Variants in DOCK4 observed in about 807,000 individuals in gnomAD.
The protein encoded by DOCK4 is dedicator of cytokinesis 4.
DOCK4 carries 97 observed loss-of-function variants against 268.1 expected under a neutral mutation model. The observed-to-expected ratio is 0.36, with a 90% CI of 0.31 to 0.43. DOCK4 has a LOEUF of 0.43. DOCK4 is among the 20% of genes least tolerant of loss of function. The pLI, the probability that DOCK4 is intolerant of heterozygous loss-of-function variation, is 1.00. For synonymous variants in DOCK4, 954 were observed against 887.2 expected (o/e 1.08, Z -1.34); for missense variants, 2,145 against 2,455.7 (o/e 0.87, Z 2.67).
intron 1 of DOCK4, among the ~76,000 whole-genome samples, chr7:112,182,444 T>C (rs1313117266): frequency 1.3e-5 from 2 of 152,180 alleles, no homozygotes; most frequent in Non-Finnish European, 2.9e-5. Flanking sequence ...TAGGAAAGGA[T>C]CTGAGAGGGG....
chr7:111,960,091 T>C (rs1196878816), intron 8 of DOCK4, among the ~76,000 whole-genome samples: 1 of 151,972 alleles, frequency 6.6e-6, no homozygotes, highest in Non-Finnish European at 1.5e-5. Context: ...ATGGCCTGGG[T>C]GCAGTGGCTC....
intron 51 of DOCK4, among the ~76,000 whole-genome samples, chr7:111,734,537 A>G (rs988397236): frequency 1.3e-5 from 2 of 152,188 alleles, no homozygotes; most frequent in African/African-American, 4.8e-5. Flanking sequence ...ACCCTGAATC[A>G]ACCCTTTGCG....
intron 16 of DOCK4, among the ~76,000 whole-genome samples, chr7:111,891,708 T>C (rs1353804362): frequency 1.3e-5 from 2 of 152,228 alleles, no homozygotes; most frequent in African/African-American, 2.4e-5. Context: ...ATTTCTTCTA[T>C]AAATGCATGA....
intron 28 of DOCK4, among the ~76,000 whole-genome samples, chr7:111,811,423 A>G (rs568771486): frequency 6.6e-6 from 1 of 152,312 alleles, no homozygotes; most frequent in East Asian, 1.9e-4. Flanking sequence ...GGCATATCAC[A>G]TTATATCATA....
chr7:111,838,136 T>C (rs1436008872), intron 25 of DOCK4, among the ~76,000 whole-genome samples: 2 of 129,914 alleles, frequency 1.5e-5, no homozygotes, highest in Non-Finnish European at 3.3e-5. Flanking sequence ...CCCAAATCGA[T>C]ATATAGATTC....
intron 32 of DOCK4, among the ~76,000 whole-genome samples, chr7:111,788,245 C>G (rs1799306592): frequency 6.6e-6 from 1 of 152,166 alleles, no homozygotes; most frequent in Admixed American, 6.6e-5. Flanking sequence ...CAGATGCAAA[C>G]TAGGTTAATT....
Position 112,146,263 on chromosome 7 carries a change from C to A in DOCK4, c.37+59839G>T, listed in dbSNP as rs576897080. Among the ~76,000 whole-genome samples the A allele has an allele frequency of 2.6e-5, 4 of 152,274 alleles. No individual in the cohort carries two copies. The South Asian group carries it at 6.2e-4, about 24-fold the overall frequency. The stretch of plus-strand genomic sequence containing the variant: ...TGGGAGGAGTTTCAAAGTCTCCAAG[C>A]AAAAGCTACAGAAGTCCCCACAGCA... On this transcript the variant is annotated intron_variant, in intron 1 of 52. Transcript: ENST00000428084.
chr7:112,195,125 A>G (rs1034367329), intron 1 of DOCK4, among the ~76,000 whole-genome samples: 2 of 152,188 alleles, frequency 1.3e-5, no homozygotes, highest in African/African-American at 4.8e-5. Flanking sequence ...CTAAAAATAC[A>G]AAACTTTGCT....
intron 44 of DOCK4, among the ~76,000 whole-genome samples, chr7:111,744,420 G>C (rs1451922665): frequency 6.6e-6 from 1 of 152,158 alleles, no homozygotes; most frequent in Admixed American, 6.5e-5. Flanking sequence ...ACTTGGCCAA[G>C]GGCACATTGA....
chr7:112,014,996 C>G (rs1801690889), intron 1 of DOCK4, among the ~76,000 whole-genome samples: 1 of 152,080 alleles, frequency 6.6e-6, no homozygotes, highest in South Asian at 2.1e-4. Context: ...TGAACAGAGG[C>G]TGGGAAAAAT....
At chr7:112,055,129 G>T (rs1805700240) in intron 1 of DOCK4, among the ~76,000 whole-genome samples, 1 of 152,066 alleles carries the variant, frequency 6.6e-6, no homozygotes, top group Non-Finnish European at 1.5e-5. Context: ...AAGACTAATT[G>T]ACATAAACAA....
At chr7:112,118,453 T>C (rs1812383667) in intron 1 of DOCK4, among the ~76,000 whole-genome samples, 1 of 152,168 alleles carries the variant, frequency 6.6e-6, no homozygotes, top group Non-Finnish European at 1.5e-5. Context: ...ATAAATATTT[T>C]GGCCTCTCAA....
At chr7:112,049,636 C>A (rs1229952784) in intron 1 of DOCK4, among the ~76,000 whole-genome samples, 1 of 152,130 alleles carries the variant, frequency 6.6e-6, no homozygotes, top group Non-Finnish European at 1.5e-5. Context: ...TATATGCTGT[C>A]TACAAGGAAA....
chr7:112,169,957 TGAACA>T (rs1817938509), intron 1 of DOCK4, among the ~76,000 whole-genome samples: 1 of 152,166 alleles, frequency 6.6e-6, no homozygotes, highest in Non-Finnish European at 1.5e-5. Context: ...CACTTTTTCC[TGAACA>T]GAATTTCTTG....
chr7:111,773,395 CAAATT>C, intron 36 of DOCK4, among the ~76,000 whole-genome samples: 1 of 151,996 alleles, frequency 6.6e-6, no homozygotes, highest in Non-Finnish European at 1.5e-5. Context: ...GTTGAGTAAA[CAAATT>C]AAAGAAAAAA....
intron 25 of DOCK4, among the ~76,000 whole-genome samples, chr7:111,836,582 G>C (rs776770458): frequency 6.6e-6 from 1 of 151,898 alleles, no homozygotes; most frequent in South Asian, 2.1e-4. Context: ...ATAGATAATA[G>C]AATTACCACA....
At chr7:112,012,176 CA>C (rs1204433496) in intron 1 of DOCK4, among the ~76,000 whole-genome samples, 2 of 152,014 alleles carry the variant, frequency 1.3e-5, no homozygotes, top group Non-Finnish European at 2.9e-5. Context: ...GCTATAGATT[CA>C]AAAGCCAAAA....
chr7:111,789,746 G>A (rs1339456971), intron 31 of DOCK4, among the ~76,000 whole-genome samples: 3 of 152,142 alleles, frequency 2.0e-5, no homozygotes, highest in African/African-American at 7.2e-5. Flanking sequence ...AGATTTGAGG[G>A]AGGCTTCTTC....
intron 17 of DOCK4, among the ~76,000 whole-genome samples, chr7:111,876,363 C>T (rs1255962320): frequency 2.0e-5 from 3 of 152,172 alleles, no homozygotes; most frequent in East Asian, 1.9e-4. Flanking sequence ...TAAGAAAGAA[C>T]GAATAACAAG....
Sources: gnomAD v4.1 joint callset for allele counts (sites outside exome capture counted in the v4.1 genomes callset) on GRCh38, gnomAD v4.1.1 for gene constraint, MANE v1.5 for transcripts, NCBI Gene and HGNC (gene_info 2026-07-23, HGNC 2026-07-21) for gene names.